Variants in STAG1 observed in about 807,000 individuals in gnomAD.
The protein encoded by STAG1 is STAG1 cohesin complex component.
A neutral mutation model predicts 170.9 loss-of-function variants in STAG1; 26 were observed. The ratio of observed to expected loss-of-function variants is 0.15; its 90% CI spans 0.11 to 0.21. The LOEUF (loss-of-function observed/expected upper bound fraction) is 0.21, where lower values mean the gene tolerates loss of function less well. Among genes scored for constraint, STAG1 ranks in the 10% least tolerant of loss-of-function variants. STAG1 has a pLI of 1.00. For synonymous variants in STAG1, 514 were observed against 497.7 expected, an observed-to-expected ratio of 1.03 and a Z score of -0.44; for missense variants, 964 against 1,509.5, an observed-to-expected ratio of 0.64 and a Z score of 5.99.
At chr3:136,539,145 A>G (rs1006631694) in intron 6 of STAG1, among the ~76,000 whole-genome samples, 1 of 152,150 alleles carries the variant, frequency 6.6e-6, no homozygotes, top group African/African-American at 2.4e-5. Context: ...AAAAAAAAAA[A>G]AAATGTTTTA....
rs374705091 is a variant in STAG1 at position 136,502,765 on chromosome 3, T to C, written c.691A>G (p.Thr231Ala). 6.2e-7 allele frequency: 1 copy of C among 1,601,924 alleles called. No individual in the cohort carries two copies. Among genetic ancestry groups the C allele is most frequent in the African/African-American group, 1.3e-5 (1 of 74,474 alleles). ...TTTAAGGCAACATTCACCAGAGCAG[T>C]CATGAGCTTCATGGCTATGAAATGA... ...TSTLAAMKLM[T>A]ALVNVALNLS... The change falls in exon 8 of 34, where the codon ACT becomes GCT. Residue 231 changes from threonine (T) to alanine (A), a missense_variant. Coordinates refer to ENST00000383202, the MANE Select transcript of STAG1 (RefSeq NM_005862.3).
At chr3:136,507,645 G>A (rs1933835579) in intron 7 of STAG1, among the ~76,000 whole-genome samples, 1 of 152,148 alleles carries the variant, frequency 6.6e-6, no homozygotes, top group Admixed American at 6.5e-5. Context: ...TGGAATTACA[G>A]GGATGAACCG....
intron 22 of STAG1, among the ~76,000 whole-genome samples, chr3:136,396,227 T>TA: frequency 6.8e-6 from 1 of 146,362 alleles, no homozygotes; most frequent in East Asian, 2.0e-4. Flanking sequence ...TTTTTTTTTT[T>TA]TTTTTTGAGA....
chr3:136,646,994 T>A (rs1941046807), intron 1 of STAG1, among the ~76,000 whole-genome samples: 1 of 152,134 alleles, frequency 6.6e-6, no homozygotes, highest in Admixed American at 6.5e-5. Flanking sequence ...ATAATGAATG[T>A]TTGAGATGAT....
At chr3:136,559,183 G>A (rs1273179460) in intron 5 of STAG1, among the ~76,000 whole-genome samples, 1 of 150,730 alleles carries the variant, frequency 6.6e-6, no homozygotes, top group Non-Finnish European at 1.5e-5. Context: ...ACACTGTACA[G>A]GTGAGGAGAT....
chr3:136,394,938 C>CAAAAAAAAA (rs778204800), intron 22 of STAG1, among the ~76,000 whole-genome samples: 2 of 59,318 alleles, frequency 3.4e-5, no homozygotes, highest in African/African-American at 1.1e-4. Flanking sequence ...GACTCTGTCT[C>CAAAAAAAAA]AAAAAAAAAA....
chr3:136,736,418 G>C, intron 1 of STAG1: 1 of 1,021,932 alleles, frequency 9.8e-7, no homozygotes, highest in Non-Finnish European at 1.5e-6. Flanking sequence ...GGTGGAAGTG[G>C]GAGGAAAGAA....
Position 136,613,479 on chromosome 3 carries a change from C to T in STAG1, c.133-9006G>A, listed in dbSNP as rs1273313201. Among the ~76,000 whole-genome samples, 3 of 151,944 alleles carry T rather than the reference C, an allele frequency of 2.0e-5. No individual in the cohort carries two copies. In the East Asian group the frequency reaches 5.8e-4, roughly 29 times the overall value. ...TCCCAAATGACAAATGATTTGAAGC[C>T]TTTAAATAGTTAATAATTATTTTTT... On this transcript the variant is annotated intron_variant, in intron 3 of 33. Transcript: ENST00000383202.
chr3:136,491,330 C>G (rs930790171), intron 9 of STAG1, among the ~76,000 whole-genome samples: 2 of 152,134 alleles, frequency 1.3e-5, no homozygotes, highest in Non-Finnish European at 2.9e-5. Context: ...GGTGAAGTAT[C>G]TGACACTACC....
chr3:136,748,713 T>C (rs77191541), intron 1 of STAG1, among the ~76,000 whole-genome samples: 1 of 152,156 alleles, frequency 6.6e-6, no homozygotes, highest in African/African-American at 2.4e-5. Context: ...ATAATAGTAA[T>C]TTTTTTAAAT....
intron 5 of STAG1, among the ~76,000 whole-genome samples, chr3:136,565,450 T>C (rs1315414798): frequency 6.6e-6 from 1 of 152,190 alleles, no homozygotes; most frequent in Non-Finnish European, 1.5e-5. Context: ...AGGCATTAAG[T>C]GCACACAAAT....
chr3:136,664,499 G>A (rs1365562532), intron 1 of STAG1, among the ~76,000 whole-genome samples: 3 of 152,110 alleles, frequency 2.0e-5, no homozygotes, highest in Non-Finnish European at 4.4e-5. Flanking sequence ...CTGCCACCTA[G>A]TCAACCATAT....
At chr3:136,435,432 C>T (rs1179969760) in intron 15 of STAG1, among the ~76,000 whole-genome samples, 3 of 152,090 alleles carry the variant, frequency 2.0e-5, no homozygotes, top group Non-Finnish European at 4.4e-5. Flanking sequence ...CTACGCTATA[C>T]TGTCTTTTCA....
intron 9 of STAG1, among the ~76,000 whole-genome samples, chr3:136,486,414 C>G (rs545367057): frequency 1.2e-3 from 176 of 152,250 alleles, no homozygotes; most frequent in African/African-American, 4.1e-3. Context: ...AACAAGCTAA[C>G]AGTAGCAAAA....
chr3:136,374,904 T>C (rs1433326059), intron 23 of STAG1, among the ~76,000 whole-genome samples: 1 of 152,200 alleles, frequency 6.6e-6, no homozygotes, highest in Non-Finnish European at 1.5e-5. Flanking sequence ...TCCATTCTTA[T>C]GGTAAGTATA....
chr3:136,658,087 G>T (rs926182300), intron 1 of STAG1, among the ~76,000 whole-genome samples: 4 of 151,628 alleles, frequency 2.6e-5, no homozygotes, highest in Non-Finnish European at 4.4e-5. Context: ...CTTCAGGGGG[G>T]GCTGAGGTGG....
chr3:136,472,388 T>TA lies in STAG1; in HGVS notation c.1205+24dup, dbSNP rs368359969. 2.6e-5 allele frequency: 41 copies of TA among 1,554,182 alleles called. No individual in the cohort carries two copies. In the East Asian group the frequency reaches 3.2e-4, roughly 12 times the overall value. On this transcript the variant is annotated intron_variant, in intron 12 of 33. Transcript: ENST00000383202. ...AAAGGTATTAAAATATCAATAAAGT[T>TA]AAAATAGTAATGGATATTACTTACT...
chr3:136,451,941 G>GC (rs1179041262), intron 14 of STAG1, 92 bp downstream of exon 14: 2 of 811,334 alleles, frequency 2.5e-6, no homozygotes, highest in Non-Finnish European at 3.8e-6. Flanking sequence ...AAACAGACTT[G>GC]TTTTTATTTG....
chr3:136,447,596 ATTTTTTTTTTT>A (rs777110138), intron 14 of STAG1, among the ~76,000 whole-genome samples: 27 of 74,280 alleles, frequency 3.6e-4, no homozygotes, highest in Admixed American at 5.1e-4. Context: ...AAAGCATCAC[ATTTTTTTTTTT>A]TTTTTTTTTT....
Sources: gnomAD v4.1 joint callset for allele counts (sites outside exome capture counted in the v4.1 genomes callset) on GRCh38, gnomAD v4.1.1 for gene constraint, MANE v1.5 for transcripts, NCBI Gene and HGNC (gene_info 2026-07-23, HGNC 2026-07-21) for gene names.